The following RAD51B variants were observed in gnomAD, a reference collection of about 807,000 sequenced individuals.
RAD51B encodes the protein RAD51 paralog B.
A neutral mutation model predicts 42.2 loss-of-function variants in RAD51B; 38 were observed. The observed-to-expected ratio is 0.90, with a 90% CI of 0.70 to 1.18. The LOEUF (loss-of-function observed/expected upper bound fraction) is 1.18. Ranked by LOEUF, RAD51B falls within the 50% of genes most tolerant of loss-of-function variation. RAD51B has a pLI of 0.00. For synonymous variants in RAD51B, 154 were observed against 145.2 expected, an observed-to-expected ratio of 1.06 and a Z score of -0.43; for missense variants, 373 against 400.7, an observed-to-expected ratio of 0.93 and a Z score of 0.59.
At chr14:67,823,379 T>A (rs546489186) in intron 1 of RAD51B, 163 bp from the exon 2 acceptor site, 8 of 555,688 alleles carry the variant, frequency 1.4e-5, no homozygotes, top group East Asian at 1.2e-4. Flanking sequence ...AAAGGTTCTA[T>A]AGCATTCCTT....
At chr14:67,851,859 G>A (rs193159482) in intron 4 of RAD51B, among the ~76,000 whole-genome samples, 4 of 152,066 alleles carry the variant, frequency 2.6e-5, no homozygotes, top group Admixed American at 2.6e-4. Flanking sequence ...GTGATTATGT[G>A]GGGGTAGGGG....
At chr14:68,467,270 G>C (rs542579712) in intron 9 of RAD51B, among the ~76,000 whole-genome samples, 332 of 152,264 alleles carry the variant, frequency 2.2e-3, no homozygotes, top group Non-Finnish European at 4.1e-3. Context: ...TGTTGTCTTA[G>C]GAAAATGCCA....
chr14:68,327,302 G>A (rs1463086310), intron 8 of RAD51B, among the ~76,000 whole-genome samples: 1 of 151,836 alleles, frequency 6.6e-6, no homozygotes, highest in Admixed American at 6.6e-5. Context: ...TTGGTGGAGA[G>A]GGGTGAGGGA....
At chr14:68,413,739 A>G (rs994695771) in intron 9 of RAD51B, among the ~76,000 whole-genome samples, 7 of 152,190 alleles carry the variant, frequency 4.6e-5, no homozygotes, top group Admixed American at 3.3e-4. Context: ...CATAGAAGCC[A>G]TACGAAGCGA....
intron 11 of RAD51B, among the ~76,000 whole-genome samples, chr14:68,680,556 G>A (rs1401751281): frequency 6.6e-6 from 1 of 152,088 alleles, no homozygotes; most frequent in Non-Finnish European, 1.5e-5. Context: ...GCTTTCACAA[G>A]CCAATGCAAG....
intron 7 of RAD51B, among the ~76,000 whole-genome samples, chr14:68,074,864 A>T (rs959094914): frequency 5.3e-5 from 8 of 152,334 alleles, no homozygotes; most frequent in African/African-American, 1.9e-4. Context: ...AATGGCCTGT[A>T]GGTAGGTTCT....
At chr14:67,987,420 T>TAC (rs1238176542) in intron 7 of RAD51B, among the ~76,000 whole-genome samples, 1 of 152,206 alleles carries the variant, frequency 6.6e-6, no homozygotes, top group East Asian at 1.9e-4. Context: ...TAATGGTTAG[T>TAC]ACAAGTAAGA....
At chr14:67,860,050 G>A (rs534062145) in intron 4 of RAD51B, among the ~76,000 whole-genome samples, 11 of 152,210 alleles carry the variant, frequency 7.2e-5, no homozygotes, top group South Asian at 4.1e-4. Flanking sequence ...TCGAACTTCC[G>A]ACCTCAGGTG....
At chr14:68,190,374 T>C (rs868510358) in intron 7 of RAD51B, among the ~76,000 whole-genome samples, 3 of 152,210 alleles carry the variant, frequency 2.0e-5, no homozygotes, top group South Asian at 2.1e-4. Flanking sequence ...TTGAAAAGTA[T>C]ATATGGAAAC....
intron 8 of RAD51B, among the ~76,000 whole-genome samples, chr14:68,358,279 AC>A (rs1281269136): frequency 6.6e-6 from 1 of 152,224 alleles, no homozygotes; most frequent in Non-Finnish European, 1.5e-5. Flanking sequence ...GTGTTGAAAG[AC>A]TTGTCAACGC....
intron 10 of RAD51B, among the ~76,000 whole-genome samples, chr14:68,522,656 C>T (rs973426778): frequency 6.6e-6 from 1 of 152,132 alleles, no homozygotes; most frequent in Non-Finnish European, 1.5e-5. Context: ...CTTTTTCATG[C>T]CTCAAACAAT....
chr14:68,096,942 G>T (rs2077206178), intron 7 of RAD51B, among the ~76,000 whole-genome samples: 1 of 152,174 alleles, frequency 6.6e-6, no homozygotes, highest in South Asian at 2.1e-4. Context: ...TTATGCTGGT[G>T]ATGGATGCAA....
At chr14:68,434,967 C>G (rs2085110637) in intron 9 of RAD51B, among the ~76,000 whole-genome samples, 1 of 152,156 alleles carries the variant, frequency 6.6e-6, no homozygotes, top group South Asian at 2.1e-4. Context: ...GTAAATAATG[C>G]TACAATGAAC....
At chr14:68,498,846 G>T (rs192321822) in intron 10 of RAD51B, among the ~76,000 whole-genome samples, 6 of 152,190 alleles carry the variant, frequency 3.9e-5, no homozygotes, top group Non-Finnish European at 8.8e-5. Context: ...TTCCCTTGCC[G>T]TCTGGTAGCT....
At chr14:68,494,365 T>G (rs1308477907) in intron 10 of RAD51B, among the ~76,000 whole-genome samples, 1 of 151,926 alleles carries the variant, frequency 6.6e-6, no homozygotes, top group Non-Finnish European at 1.5e-5. Flanking sequence ...TTTGTGACTA[T>G]CCTGTGTACT....
At chr14:67,902,797 G>A (rs1425503118) in intron 7 of RAD51B, among the ~76,000 whole-genome samples, 1 of 152,072 alleles carries the variant, frequency 6.6e-6, no homozygotes, top group Non-Finnish European at 1.5e-5. Context: ...TAAAGGGCTG[G>A]GCAAGTGCCT....
chr14:68,547,479 T>C lies in RAD51B; in HGVS notation c.1037-47006T>C, dbSNP rs80055571. Among the ~76,000 whole-genome samples the C allele has an allele frequency of 1.7e-4, 26 of 152,308 alleles. No homozygotes were observed. In the East Asian group the frequency reaches 2.9e-3, roughly 17 times the overall value. ...TCCACAAAACAGCTCAAAATGGAGA[T>C]GCTCTGGCTGAAGGAAGGAGTGTTG... is the stretch of plus-strand genomic sequence containing the variant. On this transcript the variant is annotated intron_variant, in intron 10 of 10. Transcript: ENST00000487270.
At chr14:68,122,700 G>C (rs1049525420) in intron 7 of RAD51B, among the ~76,000 whole-genome samples, 1 of 152,144 alleles carries the variant, frequency 6.6e-6, no homozygotes, top group African/African-American at 2.4e-5. Flanking sequence ...TCCTACATTT[G>C]TGTTTTTCAT....
intron 10 of RAD51B, among the ~76,000 whole-genome samples, chr14:68,588,086 A>G (rs2140072067): frequency 1.3e-5 from 2 of 152,344 alleles, no homozygotes; most frequent in South Asian, 4.1e-4. Flanking sequence ...AGCTTGAGGC[A>G]GAGTGGAGCA....
Sources: allele counts gnomAD v4.1 joint callset (sites outside exome capture counted in the v4.1 genomes callset), GRCh38; gene constraint gnomAD v4.1.1; transcripts MANE v1.5; gene names NCBI Gene and HGNC (gene_info 2026-07-23, HGNC 2026-07-21).